PODXL2: variants seen among roughly 807,000 people sequenced by gnomAD.
PODXL2 encodes the protein podocalyxin-like protein 2.
A neutral mutation model predicts 53.4 loss-of-function variants in PODXL2; 17 were observed. The observed-to-expected ratio is 0.32, with a 90% CI of 0.22 to 0.48. The LOEUF (loss-of-function observed/expected upper bound fraction) is 0.48, where lower values mean the gene tolerates loss of function less well. Ranked by LOEUF, PODXL2 falls within the 20% of genes least tolerant of loss-of-function variation. The pLI, the probability that PODXL2 is intolerant of heterozygous loss-of-function variation, is 0.99. For synonymous variants in PODXL2, 311 were observed against 306.7 expected, an observed-to-expected ratio of 1.01 and a Z score of -0.15; for missense variants, 673 against 760.0, an observed-to-expected ratio of 0.89 and a Z score of 1.35.
intron 1 of PODXL2, among the ~76,000 whole-genome samples, chr3:127,632,244 G>T (rs1346527319): frequency 6.6e-6 from 1 of 152,252 alleles, no homozygotes; most frequent in African/African-American, 2.4e-5. Context: ...CGAGGAGCCA[G>T]AGTAGGGTGT....
intron 1 of PODXL2, among the ~76,000 whole-genome samples, chr3:127,632,157 G>C (rs1365282347): frequency 2.0e-5 from 3 of 152,236 alleles, no homozygotes; most frequent in Admixed American, 2.0e-4. Flanking sequence ...ATCCCCCAGA[G>C]TGGGGAAGGA....
chr3:127,654,652 A>G (rs1460629363), intron 2 of PODXL2, among the ~76,000 whole-genome samples: 1 of 152,228 alleles, frequency 6.6e-6, no homozygotes, highest in African/African-American at 2.4e-5. Flanking sequence ...CTTAAAACTC[A>G]AGTGCTTAGG....
intron 4 of PODXL2, among the ~76,000 whole-genome samples, chr3:127,665,417 T>C (rs1471826354): frequency 2.0e-5 from 3 of 152,176 alleles, no homozygotes; most frequent in Non-Finnish European, 4.4e-5. Context: ...AGTTCAGCCC[T>C]CAAGATCTAG....
At position 127,668,587 on chromosome 3, in the gene PODXL2, G is replaced by T. The variant is rs1218731897; in HGVS notation, c.1353G>T (p.Val451=). The T allele has an allele frequency of 2.0e-6, 3 of 1,537,742 alleles. No individual in the cohort carries two copies. Among genetic ancestry groups the T allele is most frequent in the African/African-American group, 2.7e-5 (2 of 72,914 alleles). Residue 451 remains valine (V), a synonymous_variant, in exon 5 of 8, where the codon GTG becomes GTT. Transcript: ENST00000342480. ...AGCAGCACCTTCTCATGACACTGGT[G>T]GGCGAGCAGGGTGAGCGAGGGCAGG... ...EKEQHLLMTL[V]GEQGVVPTQD...
chr3:127,657,093 G>A (rs1467096380), intron 2 of PODXL2, among the ~76,000 whole-genome samples: 6 of 152,162 alleles, frequency 3.9e-5, no homozygotes, highest in South Asian at 2.1e-4. Context: ...TTACCACTGC[G>A]TGCGCAGATA....
At chr3:127,634,145 G>A (rs984911236) in intron 1 of PODXL2, among the ~76,000 whole-genome samples, 10 of 152,002 alleles carry the variant, frequency 6.6e-5, no homozygotes, top group African/African-American at 2.2e-4. Context: ...AAGACCTCTC[G>A]GCCTGTGCAG....
At chr3:127,649,808 G>T (rs1481756728) in intron 2 of PODXL2, among the ~76,000 whole-genome samples, 3 of 152,138 alleles carry the variant, frequency 2.0e-5, no homozygotes, top group African/African-American at 7.2e-5. Flanking sequence ...GTGGTGGTGG[G>T]TGCCTGTAAT....
chr3:127,631,092 C>T (rs1237319427), intron 1 of PODXL2, among the ~76,000 whole-genome samples: 4 of 152,222 alleles, frequency 2.6e-5, no homozygotes, highest in African/African-American at 9.6e-5. Flanking sequence ...CTTTCTTACA[C>T]ACCTTTGTGT....
intron 1 of PODXL2, among the ~76,000 whole-genome samples, chr3:127,637,175 A>G (rs1272181610): frequency 6.6e-6 from 1 of 152,130 alleles, no homozygotes; most frequent in East Asian, 1.9e-4. Context: ...GGGCCTGTGA[A>G]TTATCTTATT....
intron 4 of PODXL2, chr3:127,665,878 T>G (rs1038289493): frequency 9.0e-6 from 4 of 446,172 alleles, no homozygotes; most frequent in Non-Finnish European, 1.8e-5. Context: ...AGCCCCCAAT[T>G]TAGCCATTTC....
At chr3:127,667,133 A>C (rs1490921511) in intron 4 of PODXL2, among the ~76,000 whole-genome samples, 6 of 152,346 alleles carry the variant, frequency 3.9e-5, no homozygotes, top group Middle Eastern at 3.4e-3. Context: ...TTTAAAACTC[A>C]GTTGGCTGGC....
rs891954032 is a variant in PODXL2 at position 127,629,674 on chromosome 3, G to C, written c.70+385G>C. ...AGTGCATTGTGTGCCTGCGCACTCG[G>C]GGGAAGAGGCGTGTGTGACAGCCAC... On this transcript the variant is annotated intron_variant, in intron 1 of 7. Coordinates refer to ENST00000342480, the MANE Select transcript of PODXL2 (RefSeq NM_015720.4). This position sits in a 1 kb window ranked among gnomAD's most constrained non-coding sequence, Gnocchi z 6.4. Among the ~76,000 whole-genome samples the C allele has an allele frequency of 1.1e-4, 16 of 152,114 alleles. No homozygotes were observed. The highest frequency in any genetic ancestry group is 4.4e-5 in the Non-Finnish European group (3 of 67,996).
intron 2 of PODXL2, among the ~76,000 whole-genome samples, chr3:127,658,137 A>G (rs2074737534): frequency 6.6e-6 from 1 of 152,212 alleles, no homozygotes; most frequent in African/African-American, 2.4e-5. Flanking sequence ...CTGCTACTCA[A>G]AAAGTCTAAT....
rs1295982274 is a variant in PODXL2, at chr3:127,660,723, G to A, written c.695G>A (p.Gly232Asp). The change falls in exon 3 of 8, where the codon GGT becomes GAT. Residue 232 changes from glycine to aspartate, a missense_variant. Coordinates refer to ENST00000342480, the MANE Select transcript of PODXL2 (RefSeq NM_015720.4). Reference sequence around the variant, plus strand: ...GACTCCGGGGACCAGGCCTCATCAGGTGTGGAGGTGGAGAGCAGCATGGGG... The same window carrying A: ...GACTCCGGGGACCAGGCCTCATCAGATGTGGAGGTGGAGAGCAGCATGGGG... ...HEDSGDQASS[G>D]VEVESSMGPS... The A allele has an allele frequency of 6.2e-7, 1 of 1,614,200 alleles. No individual in the cohort carries two copies. Among genetic ancestry groups the A allele is most frequent in the Non-Finnish European group, 8.5e-7 (1 of 1,180,030 alleles).
intron 2 of PODXL2, among the ~76,000 whole-genome samples, chr3:127,641,480 A>AT (rs745318449): frequency 2.0e-5 from 3 of 151,880 alleles, no homozygotes; most frequent in Admixed American, 6.6e-5. Flanking sequence ...AAGTGCTAAG[A>AT]TTATAGCTGT....
intron 7 of PODXL2, 53 bp downstream of exon 7, chr3:127,671,666 C>G (rs1038382344): frequency 2.0e-6 from 3 of 1,533,658 alleles, no homozygotes; most frequent in Non-Finnish European, 2.7e-6. Context: ...GAGTGCCCAT[C>G]GATAGGTGTC....
chr3:127,635,361 AC>A (rs1490429144), intron 1 of PODXL2, among the ~76,000 whole-genome samples: 4 of 152,138 alleles, frequency 2.6e-5, no homozygotes, highest in Non-Finnish European at 5.9e-5. Context: ...TGGGGCAGGG[AC>A]CCTATCTTTC....
rs10212546 is a variant in PODXL2 at position 127,651,563 on chromosome 3, C to G, written c.350-8815C>G. Reference sequence around the variant, plus strand: ...ACACAGAAATGCCTCTCTAAAGAGACCCAGCCATATTCTTGAAGATAATTG... The same window carrying G: ...ACACAGAAATGCCTCTCTAAAGAGAGCCAGCCATATTCTTGAAGATAATTG... On this transcript the variant is annotated intron_variant, in intron 2 of 7. Transcript: ENST00000342480. 5.2e-3 allele frequency among the ~76,000 whole-genome samples: 790 copies of G among 152,308 alleles called. 6 individuals carry two copies. Among genetic ancestry groups the G allele is most frequent in the African/African-American group, 0.017 (720 of 41,558 alleles).
At chr3:127,659,271 C>T (rs1470195876) in intron 2 of PODXL2, among the ~76,000 whole-genome samples, 2 of 152,174 alleles carry the variant, frequency 1.3e-5, no homozygotes, top group Admixed American at 6.5e-5. Context: ...TCCTCCCCTG[C>T]TATTTTTTCC....
Sources: gnomAD v4.1 joint callset for allele counts (sites outside exome capture counted in the v4.1 genomes callset) on GRCh38, gnomAD v4.1.1 for gene constraint, Gnocchi (gnomAD v3.1) non-coding constraint, MANE v1.5 for transcripts, NCBI Gene and HGNC (gene_info 2026-07-23, HGNC 2026-07-21) for gene names.